TUBGCP4: variants seen among roughly 807,000 people sequenced by gnomAD.
TUBGCP4 encodes tubulin gamma complex component 4, also known as gamma-tubulin complex component 4.
TUBGCP4 carries 54 observed loss-of-function variants against 91.6 expected under a neutral mutation model. The observed-to-expected ratio is 0.59, with a 90% CI of 0.47 to 0.74. The LOEUF (loss-of-function observed/expected upper bound fraction) is 0.74, where lower values mean the gene tolerates loss of function less well. TUBGCP4 is among the 30% of genes least tolerant of loss of function. TUBGCP4 has a pLI of 0.00. For synonymous variants in TUBGCP4, 297 were observed against 302.8 expected, an observed-to-expected ratio of 0.98 and a Z score of 0.20; for missense variants, 593 against 800.9, an observed-to-expected ratio of 0.74 and a Z score of 3.13.
At position 43,377,031 on chromosome 15, in the gene TUBGCP4, T is replaced by A. The variant is rs1178666954; in HGVS notation, c.348T>A (p.His116Gln). ...DLEQEFLGDPHLSISHVNYFL... is the reference protein window; with the variant it reads ...DLEQEFLGDPQLSISHVNYFL... ...TATTGCAGTTCCTGGGTGATCCCCA[T>A]CTCTCCATATCACATGTCAACTACT... The change falls in exon 4 of 18, where the codon CAT becomes CAA. Residue 116 changes from histidine to glutamine, a missense_variant. Transcript: ENST00000564079. 6.2e-7 allele frequency: 1 copy of A among 1,613,858 alleles called. No homozygotes were observed. The highest frequency in any genetic ancestry group is 8.5e-7 in the Non-Finnish European group (1 of 1,179,830).
At chr15:43,376,050 T>C (rs2044198942) in intron 1 of TUBGCP4, 48 bp from the exon 2 acceptor site, 1 of 1,604,646 alleles carries the variant, frequency 6.2e-7, no homozygotes, top group Non-Finnish European at 8.5e-7. Context: ...CACCTGAAAG[T>C]TGGGGCAGCG....
At position 43,371,250 on chromosome 15, in the gene TUBGCP4, A is replaced by T; in HGVS notation, c.-105A>T. The T allele has an allele frequency of 8.6e-6, 10 of 1,163,614 alleles. No homozygotes were observed. The highest frequency in any genetic ancestry group is 1.3e-5 in the Non-Finnish European group (10 of 797,366). 72.1% of individuals were successfully genotyped at this position (1,163,614 alleles called of 1,614,324 possible). On this transcript the variant is annotated 5_prime_UTR_variant, in exon 1 of 18. Coordinates refer to ENST00000564079, the MANE Select transcript of TUBGCP4 (RefSeq NM_014444.5). ...TGATTCGGCACAAACCGCCCGACCC[A>T]GGGGCCGGTGCGCGTGTGGAAGGGG...
chr15:43,390,810 T>G (rs1339285999), intron 9 of TUBGCP4, among the ~76,000 whole-genome samples: 4 of 152,016 alleles, frequency 2.6e-5, no homozygotes. Flanking sequence ...GGCCTGGCTT[T>G]TTCTTTAATT....
intron 3 of TUBGCP4, 34 bp downstream of exon 3, chr15:43,376,659 G>T (rs1005761112): frequency 6.2e-7 from 1 of 1,613,726 alleles, no homozygotes; most frequent in Admixed American, 1.7e-5. Flanking sequence ...ACACCTCTGG[G>T]ACAGTAGATT....
chr15:43,407,298 C>T lies in TUBGCP4; in HGVS notation c.*2084C>T, dbSNP rs1048489514. 1.0e-5 allele frequency: 12 copies of T among 1,143,690 alleles called. No homozygotes were observed. In the African/African-American group the frequency reaches 1.7e-4, roughly 16 times the overall value. The allele number at this position is 1,143,690 out of a possible 1,614,324, so 70.8% of individuals were successfully genotyped here. Reference sequence around the variant, plus strand: ...ATATACAAGATCCATGCAAGGAATCCAGTTACACACAAGACACATTTAAAA... The same window carrying T: ...ATATACAAGATCCATGCAAGGAATCTAGTTACACACAAGACACATTTAAAA... On this transcript the variant is annotated 3_prime_UTR_variant, in exon 18 of 18. Coordinates refer to ENST00000564079, the MANE Select transcript of TUBGCP4 (RefSeq NM_014444.5).
At chr15:43,392,075 TACACAC>T (rs3986231) in intron 9 of TUBGCP4, among the ~76,000 whole-genome samples, 3,928 of 133,144 alleles carry the variant, frequency 0.03, 68 homozygotes, top group East Asian at 0.061. Flanking sequence ...AAAATAGAGA[TACACAC>T]ACACACACAC....
intron 15 of TUBGCP4, chr15:43,402,677 G>C (rs1364647509): frequency 6.6e-6 from 1 of 152,164 alleles, no homozygotes; most frequent in Non-Finnish European, 1.5e-5. Flanking sequence ...AAAAATCTAG[G>C]TGACAGAGCA....
intron 13 of TUBGCP4, among the ~76,000 whole-genome samples, chr15:43,399,377 A>AT (rs898435404): frequency 1.1e-4 from 16 of 151,890 alleles, no homozygotes; most frequent in East Asian, 1.9e-4. Flanking sequence ...ATAACACACT[A>AT]TTTTTTTTGA....
Position 43,409,337 on chromosome 15 carries a change from C to T in TUBGCP4, c.*4123C>T. The T allele has an allele frequency of 1.7e-6, 1 of 582,224 alleles. No homozygotes were observed. Among genetic ancestry groups the T allele is most frequent in the Non-Finnish European group, 3.1e-6 (1 of 327,396 alleles). The allele number at this position is 582,224 out of a possible 1,614,324, so 36.1% of individuals were successfully genotyped here. A position where few individuals can be genotyped will look rare whatever the true frequency, so the allele number is the denominator to read the frequency against. ...CTAAATCCTCAACGGACAACCAAAA[C>T]CTATGAACTCAGCCTTTCAGGCTAA... is the stretch of plus-strand genomic sequence containing the variant. On this transcript the variant is annotated 3_prime_UTR_variant, in exon 18 of 18. Transcript: ENST00000564079.
intron 9 of TUBGCP4, chr15:43,394,866 C>T: frequency 2.0e-6 from 1 of 505,284 alleles, no homozygotes; most frequent in South Asian, 2.4e-5. Flanking sequence ...CACCGTGCTT[C>T]CTGTGCAGCC....
rs2044113890 is a variant in TUBGCP4, at chr15:43,371,267, T to C, written c.-88T>C. 1.5e-6 allele frequency: 2 copies of C among 1,326,256 alleles called. No individual in the cohort carries two copies. Among genetic ancestry groups the C allele is most frequent in the East Asian group, 2.4e-5 (1 of 41,360 alleles). The allele number at this position is 1,326,256 out of a possible 1,614,324, so 82.2% of individuals were successfully genotyped here. A position where few individuals can be genotyped will look rare whatever the true frequency, so the allele number is the denominator to read the frequency against. Reference sequence around the variant, plus strand: ...CCCGACCCAGGGGCCGGTGCGCGTGTGGAAGGGGAAGCACTCCCCTCGTGG... The same window carrying C: ...CCCGACCCAGGGGCCGGTGCGCGTGCGGAAGGGGAAGCACTCCCCTCGTGG... On this transcript the variant is annotated 5_prime_UTR_variant, in exon 1 of 18. Transcript: ENST00000564079.
Position 43,376,084 on chromosome 15 carries a change from T to A in TUBGCP4, c.79-14T>A, listed in dbSNP as rs1350240011. The A allele has an allele frequency of 1.2e-6, 2 of 1,612,508 alleles. No homozygotes were observed. The highest frequency in any genetic ancestry group is 1.7e-6 in the Non-Finnish European group (2 of 1,178,692). On this transcript the variant is annotated splice_polypyrimidine_tract_variant and intron_variant, in intron 1 of 17. Transcript: ENST00000564079. ...CGACTGGCGGTGTTTTCGGCAGTGT[T>A]CCTCTTCCTGCAGGTATCGCAGGAC...
rs1595485187 is a variant in TUBGCP4 at position 43,386,038 on chromosome 15, C to G, written c.889+82C>G. On this transcript the variant is annotated intron_variant, in intron 8 of 17. Transcript: ENST00000564079. ...TATGTGGCCCCACAGCATGCCTGGT[C>G]AGAGCGAGTGGTCGATAATATTCCT... is the stretch of plus-strand genomic sequence containing the variant. 1.9e-6 allele frequency: 3 copies of G among 1,558,588 alleles called. No individual in the cohort carries two copies. The East Asian group carries it at 6.8e-5, about 35-fold the overall frequency.
At chr15:43,398,996 T>C in intron 13 of TUBGCP4, 3 of 367,216 alleles carry the variant, frequency 8.2e-6, no homozygotes, top group Non-Finnish European at 1.4e-5. Flanking sequence ...TAATCCCTTA[T>C]AATATCCAGT....
chr15:43,408,096 G>A lies in TUBGCP4; in HGVS notation c.*2882G>A. On this transcript the variant is annotated 3_prime_UTR_variant, in exon 18 of 18. Coordinates refer to ENST00000564079, the MANE Select transcript of TUBGCP4 (RefSeq NM_014444.5). ...GGATTTTCACGGGGTTGCCTATGAA[G>A]GAGACAGGAAAGGACCTTAGCATGA... The A allele has an allele frequency of 6.2e-7, 1 of 1,613,444 alleles. No individual in the cohort carries two copies. The highest frequency in any genetic ancestry group is 8.5e-7 in the Non-Finnish European group (1 of 1,179,680).
chr15:43,394,519 TTTCTC>T (rs1555395761), intron 9 of TUBGCP4: 1 of 152,226 alleles, frequency 6.6e-6, no homozygotes, highest in Non-Finnish European at 1.5e-5. Context: ...ATACTAAGAT[TTTCTC>T]TTCTCTTTTC....
In TUBGCP4 at chr15:43,383,621, T is replaced by G. The variant is rs539717586; in HGVS notation, c.723+117T>G. The G allele has an allele frequency of 1.0e-5, 8 of 792,260 alleles. No homozygotes were observed. The African/African-American group carries it at 1.4e-4, about 14-fold the overall frequency. 49.1% of individuals were successfully genotyped at this position (792,260 alleles called of 1,614,324 possible). On this transcript the variant is annotated intron_variant, in intron 7 of 17. Coordinates refer to ENST00000564079, the MANE Select transcript of TUBGCP4 (RefSeq NM_014444.5). ...TAGCTGAGCACCTTCCATCAATCCT[T>G]TCGATGTAAACATTCGGCTTTATCT...
At chr15:43,400,311 A>G in intron 14 of TUBGCP4, 90 bp downstream of exon 14, 4 of 1,036,710 alleles carry the variant, frequency 3.9e-6, no homozygotes, top group Non-Finnish European at 5.5e-6. Flanking sequence ...ACAAGTTTCT[A>G]TTTGATAAAA....
rs1039880404 is a variant in TUBGCP4 at position 43,408,734 on chromosome 15, G to GAAAT, written c.*3524_*3527dup. 10 of 673,626 alleles carry GAAAT rather than the reference G, an allele frequency of 1.5e-5. No individual in the cohort carries two copies. The highest frequency in any genetic ancestry group is 2.2e-5 in the Non-Finnish European group (9 of 402,086). 41.7% of individuals were successfully genotyped at this position (673,626 alleles called of 1,614,324 possible). A position where few individuals can be genotyped will look rare whatever the true frequency, so the allele number is the denominator to read the frequency against. On this transcript the variant is annotated 3_prime_UTR_variant, in exon 18 of 18. Transcript: ENST00000564079. The stretch of plus-strand genomic sequence containing the variant: ...AGGTTCCTAGCCAATGTAACCTAGG[G>GAAAT]AAATAAACTAGATAAACTCCTGAAG...
Sources: gnomAD v4.1 joint callset for allele counts (sites outside exome capture counted in the v4.1 genomes callset) on GRCh38, gnomAD v4.1.1 for gene constraint, MANE v1.5 for transcripts, NCBI Gene and HGNC (gene_info 2026-07-23, HGNC 2026-07-21) for gene names.